Variants in CFAP70 observed in about 807,000 individuals in gnomAD.
CFAP70 encodes cilia and flagella associated protein 70.
CFAP70 carries 81 observed loss-of-function variants against 137.6 expected under a neutral mutation model. That is an observed-to-expected ratio of 0.59 (90% confidence interval 0.49 to 0.71). CFAP70 has a LOEUF of 0.71. Among genes scored for constraint, CFAP70 ranks in the 30% least tolerant of loss-of-function variants. The probability of loss-of-function intolerance (pLI) is 0.00; values close to 1 mark genes in which losing one functional copy is unlikely to be tolerated. For missense variants in CFAP70, 976 were observed against 1,226.7 expected, an observed-to-expected ratio of 0.80 and a Z score of 3.05; for synonymous variants, 382 against 423.6, an observed-to-expected ratio of 0.90 and a Z score of 1.20.
chr10:73,297,095 T>A, exon 15 of CFAP70: 1 of 1,613,968 alleles, frequency 6.2e-7, no homozygotes, highest in South Asian at 1.1e-5. Flanking sequence ...AGCTCACTGA[T>A]AAATGTCTGA....
At chr10:73,343,795 G>A (rs1187213855) in intron 5 of CFAP70, among the ~76,000 whole-genome samples, 1 of 152,006 alleles carries the variant, frequency 6.6e-6, no homozygotes, top group Non-Finnish European at 1.5e-5. Context: ...CCCTTTTCAA[G>A]TTTAAAATGA....
In CFAP70 at chr10:73,272,919, T is replaced by C. The variant is rs1436042581; in HGVS notation, c.2925+9A>G. On this transcript the variant is annotated intron_variant, in intron 24 of 26. Transcript: ENST00000310715. ...CCACAGCCCTAGTCTCAAGCCTTCA[T>C]CCTCTTACCCGATAGCAGGCGATTC... 1 of 1,551,356 alleles carries C rather than the reference T, an allele frequency of 6.4e-7. No individual in the cohort carries two copies. The highest frequency in any genetic ancestry group is 8.7e-7 in the Non-Finnish European group (1 of 1,146,580).
At chr10:73,300,497 T>C (rs2048868547) in intron 12 of CFAP70, among the ~76,000 whole-genome samples, 1 of 152,146 alleles carries the variant, frequency 6.6e-6, no homozygotes, top group Non-Finnish European at 1.5e-5. Context: ...TATAGCAAAA[T>C]ATCTCCTTCC....
intron 19 of CFAP70, among the ~76,000 whole-genome samples, 185 bp downstream of exon 20, chr10:73,291,041 T>C (rs2048140761): frequency 6.6e-6 from 1 of 152,140 alleles, no homozygotes; most frequent in Non-Finnish European, 1.5e-5. Context: ...GTTTTAGAGA[T>C]AGGATTATGG....
intron 12 of CFAP70, among the ~76,000 whole-genome samples, chr10:73,300,378 C>A (rs2048858794): frequency 6.6e-6 from 1 of 152,102 alleles, no homozygotes; most frequent in East Asian, 1.9e-4. Flanking sequence ...ATTTTTCTTA[C>A]TAGATCCTAT....
chr10:73,257,876 C>CT (rs745485451), intron 25 of CFAP70, among the ~76,000 whole-genome samples: 4,670 of 129,874 alleles, frequency 0.036, 170 homozygotes, highest in Middle Eastern at 0.078. Context: ...CCTTTTCCTT[C>CT]TTTTTTTTTT....
intron 8 of CFAP70, among the ~76,000 whole-genome samples, chr10:73,327,269 CT>C (rs1186828041): frequency 6.6e-6 from 1 of 150,904 alleles, no homozygotes; most frequent in Non-Finnish European, 1.5e-5. Flanking sequence ...CAGAAAAGGC[CT>C]TTGACAAAAT....
At chr10:73,269,791 T>C in intron 24 of CFAP70, 76 bp from the exon 26 acceptor site, 1 of 816,032 alleles carries the variant, frequency 1.2e-6, no homozygotes, top group Non-Finnish European at 2.1e-6. Flanking sequence ...GTATATGACC[T>C]ATACCAATGG....
rs2048611843 is a variant in CFAP70, at chr10:73,297,232, G to A, written c.1513-59C>T. 8 of 1,551,922 alleles carry A rather than the reference G, an allele frequency of 5.2e-6. No individual in the cohort carries two copies. In the Admixed American group the frequency reaches 5.7e-5, roughly 11 times the overall value. On this transcript the variant is annotated intron_variant, in intron 14 of 26. Coordinates refer to ENST00000310715, the Ensembl canonical transcript of CFAP70. ...CAGTCCAGCACCATGCTGAGAGCAC[G>A]GGTCTCTCTAGGGCTTTCTGGTCTA... is the stretch of plus-strand genomic sequence containing the variant.
At chr10:73,331,104 A>C (rs2052027306) in intron 8 of CFAP70, 73 bp downstream of exon 9, 1 of 1,052,884 alleles carries the variant, frequency 9.5e-7, no homozygotes, top group African/African-American at 1.6e-5. Flanking sequence ...TTGGTATCAG[A>C]ATTGAAGCAG....
intron 25 of CFAP70, among the ~76,000 whole-genome samples, chr10:73,257,609 C>T (rs2133520823): frequency 6.6e-6 from 1 of 152,238 alleles, no homozygotes; most frequent in East Asian, 1.9e-4. Flanking sequence ...GTTCACAAAA[C>T]TTTCACACCC....
rs1262621773 is a variant in CFAP70 at position 73,345,899 on chromosome 10, T to A, written c.350-785A>T. Among the ~76,000 whole-genome samples the A allele has an allele frequency of 3.3e-5, 5 of 152,176 alleles. No individual in the cohort carries two copies. In the East Asian group the frequency reaches 5.8e-4, roughly 18 times the overall value. On this transcript the variant is annotated intron_variant, in intron 4 of 26. Transcript: ENST00000310715. ...TTTATGATTATTTTTGTCATTTTTT[T>A]AATTTTATTTTTTTTTTTGAGACAG...
At chr10:73,293,145 T>C in intron 16 of CFAP70, 118 bp downstream of exon 17, 4 of 1,140,696 alleles carry the variant, frequency 3.5e-6, no homozygotes, top group Non-Finnish European at 3.5e-6. Context: ...TTTTGGACTT[T>C]ATTGTTCTAT....
At chr10:73,349,436 A>G (rs1457727192) in intron 3 of CFAP70, among the ~76,000 whole-genome samples, 5 of 152,022 alleles carry the variant, frequency 3.3e-5, no homozygotes, top group Admixed American at 3.3e-4. Context: ...CCAACTACTC[A>G]AGAGGCTGAG....
intron 5 of CFAP70, among the ~76,000 whole-genome samples, chr10:73,342,228 T>C (rs1468536629): frequency 3.9e-5 from 6 of 152,172 alleles, no homozygotes; most frequent in Non-Finnish European, 8.8e-5. Flanking sequence ...TAATAATCAG[T>C]AAAGTGCACA....
chr10:73,358,410 G>A (rs1417134687), intron 1 of CFAP70, among the ~76,000 whole-genome samples: 1 of 152,248 alleles, frequency 6.6e-6, no homozygotes, highest in Non-Finnish European at 1.5e-5. Context: ...AAGGTTAGAC[G>A]AAGGAGGCGA....
exon 4 of CFAP70, chr10:73,348,516 C>A: frequency 6.6e-7 from 1 of 1,511,624 alleles, no homozygotes; most frequent in Non-Finnish European, 8.8e-7. Flanking sequence ...ACTTCAGTCA[C>A]AGTTACTAGA....
At chr10:73,322,430 A>C (rs1277656707) in intron 9 of CFAP70, among the ~76,000 whole-genome samples, 1 of 152,188 alleles carries the variant, frequency 6.6e-6, no homozygotes, top group Non-Finnish European at 1.5e-5. Context: ...GTTTTTAAAT[A>C]GCCAGGCACA....
At chr10:73,301,938 T>C (rs941777058) in intron 12 of CFAP70, among the ~76,000 whole-genome samples, 10 of 151,984 alleles carry the variant, frequency 6.6e-5, no homozygotes, top group Non-Finnish European at 1.5e-4. Flanking sequence ...GTGATGGTGG[T>C]AGAGAAGTAT....
Sources: gnomAD v4.1 joint callset for allele counts (sites outside exome capture counted in the v4.1 genomes callset) on GRCh38, gnomAD v4.1.1 for gene constraint, MANE v1.5 for transcripts, NCBI Gene and HGNC (gene_info 2026-07-23, HGNC 2026-07-21) for gene names.